CTNNA3: variants seen among roughly 807,000 people sequenced by gnomAD.
CTNNA3 encodes catenin alpha 3.
In CTNNA3, 76 loss-of-function variants were observed where a neutral mutation model predicts 95.7. The ratio of observed to expected loss-of-function variants is 0.79; its 90% CI spans 0.66 to 0.96. The LOEUF (loss-of-function observed/expected upper bound fraction) is 0.96, where lower values mean the gene tolerates loss of function less well. CTNNA3 is among the 40% of genes least tolerant of loss of function. The pLI is 0.00. For missense variants in CTNNA3, 1,191 were observed against 1,089.8 expected, an observed-to-expected ratio of 1.09 and a Z score of -1.31; for synonymous variants, 431 against 374.4, an observed-to-expected ratio of 1.15 and a Z score of -1.74.
intron 7 of CTNNA3, among the ~76,000 whole-genome samples, chr10:66,805,983 T>C (rs960391012): frequency 3.3e-5 from 5 of 152,068 alleles, no homozygotes; most frequent in Admixed American, 2.6e-4. Context: ...ATGGATTAGA[T>C]GATACTCCTC....
intron 5 of CTNNA3, among the ~76,000 whole-genome samples, chr10:67,394,403 T>TA: frequency 6.6e-6 from 1 of 151,908 alleles, no homozygotes; most frequent in East Asian, 1.9e-4. Flanking sequence ...AAATCTTTCA[T>TA]AAAATGAAAG....
At chr10:67,013,303 T>C (rs1260015073) in intron 7 of CTNNA3, among the ~76,000 whole-genome samples, 4 of 152,236 alleles carry the variant, frequency 2.6e-5, no homozygotes, top group Admixed American at 6.5e-5. Flanking sequence ...TGTATATCTA[T>C]AATGTTTGCT....
intron 17 of CTNNA3, among the ~76,000 whole-genome samples, chr10:65,934,620 T>A (rs2077307172): frequency 6.6e-6 from 1 of 152,140 alleles, no homozygotes; most frequent in African/African-American, 2.4e-5. Context: ...GTTACTTCAA[T>A]AAAAACAGTG....
chr10:67,482,316 T>C (rs1334036896), intron 5 of CTNNA3, among the ~76,000 whole-genome samples: 7 of 152,182 alleles, frequency 4.6e-5, no homozygotes, highest in Non-Finnish European at 1.0e-4. Context: ...GGGGATGGCA[T>C]TGAATCTATA....
intron 11 of CTNNA3, among the ~76,000 whole-genome samples, chr10:66,389,212 AT>A (rs75177664): frequency 0.077 from 11,623 of 151,274 alleles, 567 homozygotes; most frequent in East Asian, 0.22. Context: ...CTCCTCAAAA[AT>A]TTTTTTTTTC....
intron 5 of CTNNA3, among the ~76,000 whole-genome samples, chr10:67,516,363 C>T (rs572800758): frequency 2.6e-5 from 4 of 152,232 alleles, no homozygotes; most frequent in East Asian, 1.9e-4. Context: ...AGGATATTAT[C>T]GGAACTCATC....
chr10:66,525,980 A>AATATAGGTGACAAACCTACAATGGC (rs1841244237), intron 10 of CTNNA3, among the ~76,000 whole-genome samples: 1 of 152,122 alleles, frequency 6.6e-6, no homozygotes, highest in Admixed American at 6.6e-5. Flanking sequence ...ATGCATCAGA[A>AATATAGGTGACAAACCTACAATGGC]TTTCATTACT....
At chr10:66,022,480 C>T (rs911515026) in intron 15 of CTNNA3, among the ~76,000 whole-genome samples, 1 of 151,988 alleles carries the variant, frequency 6.6e-6, no homozygotes, top group Non-Finnish European at 1.5e-5. Flanking sequence ...GTTCCATGAC[C>T]TGAGATGCAT....
chr10:66,996,043 C>A (rs180844374), intron 7 of CTNNA3, among the ~76,000 whole-genome samples: 15 of 151,930 alleles, frequency 9.9e-5, no homozygotes, highest in African/African-American at 2.9e-4. Flanking sequence ...TTTATTTTAC[C>A]TACTTATTTA....
chr10:67,044,224 A>G (rs1311854678), intron 7 of CTNNA3, among the ~76,000 whole-genome samples: 1 of 152,170 alleles, frequency 6.6e-6, no homozygotes, highest in Non-Finnish European at 1.5e-5. Context: ...GCAACATAGT[A>G]GGCAAAATTC....
intron 7 of CTNNA3, among the ~76,000 whole-genome samples, chr10:67,174,410 T>C (rs1862147995): frequency 6.6e-6 from 1 of 152,170 alleles, no homozygotes; most frequent in Non-Finnish European, 1.5e-5. Flanking sequence ...AACCCCAAAG[T>C]GGATATTCTA....
intron 3 of CTNNA3, among the ~76,000 whole-genome samples, chr10:67,572,881 A>G (rs1842022691): frequency 1.3e-5 from 2 of 152,258 alleles, no homozygotes; most frequent in South Asian, 4.1e-4. Context: ...TGAGTCCAGG[A>G]GTTCAAGACC....
chr10:67,033,782 T>G (rs1047940462), intron 7 of CTNNA3, among the ~76,000 whole-genome samples: 7 of 151,746 alleles, frequency 4.6e-5, no homozygotes, highest in African/African-American at 1.7e-4. Flanking sequence ...TTTCTTTTTG[T>G]TTTTTTTGGA....
chr10:67,704,878 T>C (rs1457651977), intron 1 of CTNNA3, among the ~76,000 whole-genome samples: 3 of 152,036 alleles, frequency 2.0e-5, no homozygotes, highest in Non-Finnish European at 4.4e-5. Flanking sequence ...AACCTACTCA[T>C]CTGACAAAGG....
chr10:67,564,663 A>ATATGTGTGTGTGTG (rs1554854230), intron 3 of CTNNA3, among the ~76,000 whole-genome samples: 4 of 95,518 alleles, frequency 4.2e-5, no homozygotes, highest in African/African-American at 2.0e-4. Flanking sequence ...ATATGCATAT[A>ATATGTGTGTGTGTG]TGTGTGTGTG....
intron 7 of CTNNA3, chr10:66,926,467 T>A (rs569825305): frequency 8.3e-7 from 1 of 1,200,068 alleles, no homozygotes; most frequent in Admixed American, 2.1e-5. Flanking sequence ...GTCCAATTTT[T>A]CTTCCTGGGT....
intron 9 of CTNNA3, among the ~76,000 whole-genome samples, chr10:66,635,990 CTGTGTGTGTGTGTG>C (rs10527642): frequency 0.13 from 18,848 of 145,840 alleles, 1,290 homozygotes; most frequent in South Asian, 0.25. Flanking sequence ...TGGAAGAACA[CTGTGTGTGTGTGTG>C]TGTGTGTGTG....
At chr10:67,222,498 G>T (rs1359617946) in intron 5 of CTNNA3, among the ~76,000 whole-genome samples, 1 of 152,180 alleles carries the variant, frequency 6.6e-6, no homozygotes, top group East Asian at 1.9e-4. Context: ...GGAAAATAGA[G>T]AAAAGGTGTA....
chr10:66,174,744 G>A (rs1007207806), intron 13 of CTNNA3, among the ~76,000 whole-genome samples: 26 of 152,066 alleles, frequency 1.7e-4, no homozygotes, highest in African/African-American at 6.0e-4. Context: ...TGGGGGTCCT[G>A]GAACCAATCC....
Sources: gnomAD v4.1 joint callset for allele counts (sites outside exome capture counted in the v4.1 genomes callset) on GRCh38, gnomAD v4.1.1 for gene constraint, MANE v1.5 for transcripts, NCBI Gene and HGNC (gene_info 2026-07-23, HGNC 2026-07-21) for gene names.